The following MAN2A2 variants were observed in gnomAD, a reference collection of about 807,000 sequenced individuals.
MAN2A2 encodes mannosidase alpha class 2A member 2, also known as alpha-mannosidase 2x.
In MAN2A2, 79 loss-of-function variants were observed where a neutral mutation model predicts 126.8. That is an observed-to-expected ratio of 0.62 (90% CI 0.52 to 0.75). MAN2A2 has a LOEUF of 0.75. MAN2A2 is among the 30% of genes least tolerant of loss of function. The probability of loss-of-function intolerance (pLI) is 0.00; values close to 1 mark genes in which losing one functional copy is unlikely to be tolerated. For missense variants in MAN2A2, 1,392 were observed against 1,522.4 expected (o/e 0.91, Z 1.43); for synonymous variants, 671 against 618.7 (o/e 1.08, Z -1.25).
chr15:90,902,658 G>T (rs1486740999), upstream of MAN2A2: 1 of 151,454 alleles, frequency 6.6e-6, no homozygotes, highest in Non-Finnish European at 1.5e-5. Flanking sequence ...CGGGGACCGC[G>T]GCGGCCAGAG....
intron 2 of MAN2A2, among the ~76,000 whole-genome samples, chr15:90,905,023 C>A (rs186574775): frequency 3.9e-5 from 6 of 152,278 alleles, no homozygotes; most frequent in Non-Finnish European, 8.8e-5. Flanking sequence ...CTTTGCCATC[C>A]CTGAGCTAGA....
At position 90,906,818 on chromosome 15, in the gene MAN2A2, A is replaced by T. The variant is rs753994036; in HGVS notation, c.914A>T (p.Asn305Ile). 1.2e-6 allele frequency: 2 copies of T among 1,613,982 alleles called. No homozygotes were observed. Among genetic ancestry groups the T allele is most frequent in the South Asian group, 1.1e-5 (1 of 91,082 alleles). The change falls in exon 7 of 23, where the codon AAC becomes ATC. Residue 305 changes from asparagine to isoleucine, a missense_variant. Transcript: ENST00000559717. ...ATGCCTTACCTGCTGCGCCGTGCCA[A>T]CCTCACCAGCATGCTGATTCAGAGA... ...STMPYLLRRANLTSMLIQRVH... is the reference protein window; with the variant it reads ...STMPYLLRRAILTSMLIQRVH...
In MAN2A2 at chr15:90,911,455, C is replaced by T. The variant is rs750741156; in HGVS notation, c.2014C>T (p.Arg672Cys). The change falls in exon 14 of 23, where the codon CGC becomes TGC. Residue 672 changes from arginine (R) to cysteine (C), a missense_variant. Physicochemically the swap from Arg to Cys is radical, Grantham distance 180. Transcript: ENST00000559717. ...SMVSLLVNSP[R>C]VRVLSEEGQP... ...GGTGTCCCTGCTGGTCAACTCTCCC[C>T]GCGTGCGTGTCCTTTCGGAGGAGGG... is the stretch of plus-strand genomic sequence containing the variant. The T allele has an allele frequency of 1.4e-5, 22 of 1,614,116 alleles. No homozygotes were observed. In the East Asian group the frequency reaches 2.9e-4, roughly 21 times the overall value.
rs1213355975 is a variant in MAN2A2, at chr15:90,910,665, TG to T, written c.1744del (p.Val582TrpfsTer14). On this transcript the variant is annotated frameshift_variant, in exon 11 of 23. Coordinates refer to ENST00000559717, the MANE Select transcript of MAN2A2 (RefSeq NM_006122.4). LOFTEE classifies it high-confidence loss of function. The stretch of plus-strand genomic sequence containing the variant: ...ACTGGCACGGCCAAGGAGGCTGTGG[TG>T]GTGGACTATGGGGTCAGGTGGGAGC... ...AITGTAKEAV[V>X]VDYGVRLLRS... The T allele has an allele frequency of 6.2e-7, 1 of 1,613,978 alleles. No homozygotes were observed. The highest frequency in any genetic ancestry group is 8.5e-7 in the Non-Finnish European group (1 of 1,180,000).
At position 90,906,517 on chromosome 15, in the gene MAN2A2, T is replaced by C; in HGVS notation, c.835+20T>C. On this transcript the variant is annotated intron_variant, in intron 6 of 22. Transcript: ENST00000559717. ...ATCTTGGTAAGTCCAGGCCCAGGCA[T>C]GGGGGTCTGCCCCCTGGGCTGTAAG... The C allele has an allele frequency of 6.2e-7, 1 of 1,614,092 alleles. No individual in the cohort carries two copies. Among genetic ancestry groups the C allele is most frequent in the South Asian group, 1.1e-5 (1 of 91,074 alleles).
Position 90,921,072 on chromosome 15 carries a change from G to A in MAN2A2, c.*1285G>A, listed in dbSNP as rs1353996329. On this transcript the variant is annotated 3_prime_UTR_variant, in exon 23 of 23. Coordinates refer to ENST00000559717, the MANE Select transcript of MAN2A2 (RefSeq NM_006122.4). ...CATTAAAGTCAGAAACTAGCCAAGG[G>A]CAAGCTATTATTCAGCAGTGTCCCG... 1 of 152,116 alleles carries A rather than the reference G, an allele frequency of 6.6e-6. No homozygotes were observed. The highest frequency in any genetic ancestry group is 1.9e-4 in the East Asian group (1 of 5,192). The allele number at this position is 152,116 out of a possible 1,614,324, so 9.4% of individuals were successfully genotyped here.
At position 90,905,911 on chromosome 15, in the gene MAN2A2, C is replaced by A. The variant is rs1297891285; in HGVS notation, c.602C>A (p.Ser201Tyr). The stretch of plus-strand genomic sequence containing the variant: ...CAACACATCCTCAATAGCATGGTGT[C>A]TAAGCTGCAGGAGGACCCCCGGCGG... ...QTQHILNSMV[S>Y]KLQEDPRRRF... Residue 201 changes from serine to tyrosine, a missense_variant, in exon 5 of 23, where the codon TCT becomes TAT. Physicochemically the swap from Ser to Tyr is moderately radical, Grantham distance 144. Transcript: ENST00000559717. 2 of 1,608,108 alleles carry A rather than the reference C, an allele frequency of 1.2e-6. No homozygotes were observed. The highest frequency in any genetic ancestry group is 1.7e-6 in the Non-Finnish European group (2 of 1,177,482).
chr15:90,906,703 G>C (rs1338422054), intron 6 of MAN2A2, 37 bp from the exon 7 acceptor site: 1 of 1,603,876 alleles, frequency 6.2e-7, no homozygotes, highest in Admixed American at 1.7e-5. Context: ...CCCCTGAGGT[G>C]TGTTCAGGGC....
rs775827411 is a variant in MAN2A2 at position 90,906,432 on chromosome 15, A to C, written c.770A>C (p.Asn257Thr). Reference protein sequence around the residue: ...TGGWVMPDEANSHYFALIDQL... With the variant: ...TGGWVMPDEATSHYFALIDQL... ...GGCTGGGTGATGCCAGATGAGGCCA[A>C]TTCCCACTACTTTGCATTGATTGAC... The change falls in exon 6 of 23, where the codon AAT (asparagine) becomes ACT (threonine). Residue 257 changes from asparagine (N) to threonine (T), a missense_variant. By Grantham distance (65) the Asn-to-Thr change is moderately conservative (BLOSUM62 0). Transcript: ENST00000559717. 1.9e-6 allele frequency: 3 copies of C among 1,614,148 alleles called. 1 individual carries two copies. The South Asian group carries it at 3.3e-5, about 18-fold the overall frequency.
intron 20 of MAN2A2, 57 bp downstream of exon 20, chr15:90,916,313 CG>C (rs1190967396): frequency 1.8e-5 from 28 of 1,578,502 alleles, no homozygotes; most frequent in Admixed American, 3.5e-5. Context: ...TGGGGGTGGC[CG>C]GGGGGTCCAG....
intron 21 of MAN2A2, 92 bp downstream of exon 21, chr15:90,918,480 A>G: frequency 7.0e-7 from 1 of 1,433,092 alleles, no homozygotes; most frequent in Non-Finnish European, 9.6e-7. Flanking sequence ...GATGAGGTCC[A>G]GACCCCTTAG....
intron 20 of MAN2A2, among the ~76,000 whole-genome samples, chr15:90,917,113 C>G (rs150735125): frequency 3.4e-4 from 52 of 152,268 alleles, no homozygotes; most frequent in African/African-American, 1.2e-3. Flanking sequence ...GCCAGTAGCC[C>G]TATATGGCTA....
intron 1 of MAN2A2, 115 bp from the exon 2 acceptor site, chr15:90,904,075 C>A: frequency 8.4e-7 from 1 of 1,190,308 alleles, no homozygotes; most frequent in Non-Finnish European, 1.2e-6. Flanking sequence ...TACTTGGAGC[C>A]AGGCAAATGG....
At chr15:90,919,522 A>G in intron 22 of MAN2A2, 113 bp from the exon 23 acceptor site, 1 of 1,310,974 alleles carries the variant, frequency 7.6e-7, no homozygotes, top group Non-Finnish European at 1.1e-6. Context: ...TACAGGTGTG[A>G]GCCACTGCCC....
intron 2 of MAN2A2, among the ~76,000 whole-genome samples, chr15:90,904,592 T>G (rs1449520082): frequency 1.5e-5 from 2 of 136,792 alleles, no homozygotes; most frequent in Non-Finnish European, 3.0e-5. Context: ...TTCTTTTCTT[T>G]CTTTTTTTTT....
At position 90,905,300 on chromosome 15, in the gene MAN2A2, TGGA is replaced by T; in HGVS notation, c.187_189del (p.Glu63del). ...CGCATTGAGCAGCTGGAGCAGCTTT[TGGA>T]GGAGAACCATGAGATTATCAGCCAT... On this transcript the variant is annotated inframe_deletion, in exon 3 of 23. Transcript: ENST00000559717. The T allele has an allele frequency of 6.2e-7, 1 of 1,613,820 alleles. No homozygotes were observed. The highest frequency in any genetic ancestry group is 8.5e-7 in the Non-Finnish European group (1 of 1,180,026).
At position 90,911,424 on chromosome 15, in the gene MAN2A2, C is replaced by T; in HGVS notation, c.1983C>T (p.Phe661=). 1 of 1,614,254 alleles carries T rather than the reference C, an allele frequency of 6.2e-7. No individual in the cohort carries two copies. Among genetic ancestry groups the T allele is most frequent in the Non-Finnish European group, 8.5e-7 (1 of 1,180,038 alleles). The change falls in exon 14 of 23, where the codon TTC becomes TTT. Residue 661 remains phenylalanine (F), a synonymous_variant. Coordinates refer to ENST00000559717, the MANE Select transcript of MAN2A2 (RefSeq NM_006122.4). ...VLFNPLEQER[F]SMVSLLVNSP... is the part of the protein sequence containing the mutation. Reference sequence around the variant, plus strand: ...TCAACCCACTGGAACAGGAGCGATTCAGCATGGTGTCCCTGCTGGTCAACT... The same window carrying T: ...TCAACCCACTGGAACAGGAGCGATTTAGCATGGTGTCCCTGCTGGTCAACT...
chr15:90,905,635 G>A lies in MAN2A2; in HGVS notation c.447G>A (p.Arg149=). Residue 149 remains arginine (R), a synonymous_variant, in exon 4 of 23, where the codon AGG becomes AGA. Coordinates refer to ENST00000559717, the MANE Select transcript of MAN2A2 (RefSeq NM_006122.4). Reference sequence around the variant, plus strand: ...ACAACGTGGATGGTGGTGTGTGGAGGCAAGGCTTCGACATCTCCTACGACC... The same window carrying A: ...ACAACGTGGATGGTGGTGTGTGGAGACAAGGCTTCGACATCTCCTACGACC... The part of the protein sequence containing the change: ...PFDNVDGGVW[R]QGFDISYDPH... The A allele has an allele frequency of 2.5e-6, 4 of 1,614,190 alleles. No individual in the cohort carries two copies. Among genetic ancestry groups the A allele is most frequent in the Non-Finnish European group, 3.4e-6 (4 of 1,180,034 alleles).
chr15:90,909,294 C>T lies in MAN2A2; in HGVS notation c.1197-33C>T, dbSNP rs75692107. ...TGGTGCTCTTTTACTGATGAGACTT[C>T]GTGGTGGGCCCATGTTTTTTTTCCT... On this transcript the variant is annotated intron_variant, in intron 8 of 22. Coordinates refer to ENST00000559717, the MANE Select transcript of MAN2A2 (RefSeq NM_006122.4). 1.7e-3 allele frequency: 2,645 copies of T among 1,587,062 alleles called. 35 individuals carry two copies. The African/African-American group carries it at 0.032, about 19-fold the overall frequency.
Sources: gnomAD v4.1 joint callset for allele counts (sites outside exome capture counted in the v4.1 genomes callset) on GRCh38, gnomAD v4.1.1 for gene constraint, MANE v1.5 for transcripts, NCBI Gene and HGNC (gene_info 2026-07-23, HGNC 2026-07-21) for gene names.